The following NFIA variants were observed in gnomAD, a reference collection of about 807,000 sequenced individuals.
NFIA encodes the protein nuclear factor I A, also known as nuclear factor 1 A-type.
In NFIA, 8 loss-of-function variants were observed where a neutral mutation model predicts 62.8. That is an observed-to-expected ratio of 0.13 (90% confidence interval 0.07 to 0.23). The LOEUF (loss-of-function observed/expected upper bound fraction) is 0.23. NFIA is among the 10% of genes least tolerant of loss of function. The pLI is 1.00. For missense variants in NFIA, 410 were observed against 642.1 expected (o/e 0.64, Z 3.91); for synonymous variants, 235 against 238.1 (o/e 0.99, Z 0.12).
chr1:61,142,561 A>C (rs139554643), intron 2 of NFIA, among the ~76,000 whole-genome samples: 18 of 152,326 alleles, frequency 1.2e-4, no homozygotes, highest in Middle Eastern at 3.4e-3. Context: ...CAAGAGTCCA[A>C]ATGGGTACCT....
At chr1:61,213,185 T>C (rs1246993794) in intron 2 of NFIA, among the ~76,000 whole-genome samples, 1 of 152,226 alleles carries the variant, frequency 6.6e-6, no homozygotes, top group Non-Finnish European at 1.5e-5. Context: ...GTACAGGATA[T>C]GAAAATGCTG....
chr1:61,454,163 G>GGGT (rs1668198554), intron 10 of NFIA, among the ~76,000 whole-genome samples: 1 of 152,092 alleles, frequency 6.6e-6, no homozygotes, highest in Non-Finnish European at 1.5e-5. Flanking sequence ...TTCTGATACC[G>GGGT]TCAACTTAAA....
At chr1:61,294,662 T>C (rs991034084) in intron 3 of NFIA, among the ~76,000 whole-genome samples, 1 of 152,252 alleles carries the variant, frequency 6.6e-6, no homozygotes, top group African/African-American at 2.4e-5. Flanking sequence ...ATTGTTTTTC[T>C]TTTTTACTCA....
At chr1:61,149,226 A>C (rs765311558) in intron 2 of NFIA, among the ~76,000 whole-genome samples, 3 of 152,118 alleles carry the variant, frequency 2.0e-5, no homozygotes, top group Non-Finnish European at 4.4e-5. Flanking sequence ...TTAACTTAGG[A>C]AAGTTTGCTG....
At chr1:61,257,216 C>G (rs1057414259) in intron 2 of NFIA, among the ~76,000 whole-genome samples, 2 of 151,224 alleles carry the variant, frequency 1.3e-5, no homozygotes, top group African/African-American at 2.4e-5. Context: ...AGAAGTGTGT[C>G]TGTGCTGTCT....
At chr1:61,234,080 G>C (rs1302356022) in intron 2 of NFIA, among the ~76,000 whole-genome samples, 1 of 152,088 alleles carries the variant, frequency 6.6e-6, no homozygotes, top group African/African-American at 2.4e-5. Flanking sequence ...GTAGAAAGTG[G>C]CTCCTGGCTG....
intron 3 of NFIA, among the ~76,000 whole-genome samples, chr1:61,299,389 T>C (rs536825803): frequency 1.1e-4 from 16 of 152,340 alleles, no homozygotes; most frequent in African/African-American, 2.9e-4. Flanking sequence ...CTTTAACTTA[T>C]GTTTCCAAAA....
intron 2 of NFIA, among the ~76,000 whole-genome samples, chr1:61,153,089 A>T (rs1485584802): frequency 6.6e-6 from 1 of 152,202 alleles, no homozygotes; most frequent in African/African-American, 2.4e-5. Context: ...TCCTGAAAAC[A>T]AGTTTTCTGA....
intron 10 of NFIA, among the ~76,000 whole-genome samples, chr1:61,427,234 G>T (rs2100555141): frequency 6.6e-6 from 1 of 152,232 alleles, no homozygotes; most frequent in Non-Finnish European, 1.5e-5. Context: ...TCAAGGAGAA[G>T]AAATATTTTT....
intron 10 of NFIA, among the ~76,000 whole-genome samples, chr1:61,427,418 T>C (rs1341886622): frequency 1.3e-5 from 2 of 152,224 alleles, no homozygotes; most frequent in Non-Finnish European, 2.9e-5. Flanking sequence ...ATAATTAACA[T>C]AAGGAAAGTA....
intron 2 of NFIA, among the ~76,000 whole-genome samples, chr1:61,189,979 G>A (rs142993750): frequency 5.0e-4 from 76 of 152,154 alleles, no homozygotes; most frequent in African/African-American, 1.8e-3. Context: ...TCTTCTTACC[G>A]TGCTGTTTGA....
intron 10 of NFIA, among the ~76,000 whole-genome samples, chr1:61,450,972 T>C (rs1407967597): frequency 1.3e-5 from 2 of 152,204 alleles, no homozygotes; most frequent in East Asian, 1.9e-4. Context: ...TTAGAGCATT[T>C]GTTGCTAACG....
intron 2 of NFIA, among the ~76,000 whole-genome samples, chr1:61,201,629 A>C (rs1171739676): frequency 6.6e-6 from 1 of 152,100 alleles, no homozygotes; most frequent in African/African-American, 2.4e-5. Context: ...TATTAGGTTC[A>C]ATTACATAAG....
At chr1:61,348,790 C>T (rs1485395876) in intron 4 of NFIA, among the ~76,000 whole-genome samples, 1 of 152,200 alleles carries the variant, frequency 6.6e-6, no homozygotes, top group African/African-American at 2.4e-5. Flanking sequence ...TCACACTTTG[C>T]TCTGTGTTCC....
intron 2 of NFIA, among the ~76,000 whole-genome samples, chr1:61,113,544 A>C (rs905775087): frequency 1.0e-4 from 15 of 145,332 alleles, no homozygotes; most frequent in Middle Eastern, 3.5e-3. Context: ...TAATGAGCTG[A>C]GAGTGCACCA....
intron 7 of NFIA, among the ~76,000 whole-genome samples, chr1:61,399,655 TTTC>T (rs2100513900): frequency 6.6e-6 from 1 of 152,374 alleles, no homozygotes; most frequent in East Asian, 1.9e-4. Flanking sequence ...AAGAGATTAC[TTTC>T]TTCTTCTATC....
intron 4 of NFIA, among the ~76,000 whole-genome samples, chr1:61,333,912 A>G (rs1453739788): frequency 1.3e-5 from 2 of 152,306 alleles, no homozygotes; most frequent in South Asian, 2.1e-4. Context: ...AGGCAGGACA[A>G]TTGCTCGAAC....
At chr1:61,378,140 G>A (rs1664238978) in intron 6 of NFIA, among the ~76,000 whole-genome samples, 2 of 152,292 alleles carry the variant, frequency 1.3e-5, no homozygotes, top group South Asian at 2.1e-4. Flanking sequence ...GGGGAGAGGT[G>A]AAATTAATTA....
At chr1:61,158,635 G>C (rs892784776) in intron 2 of NFIA, among the ~76,000 whole-genome samples, 1 of 152,188 alleles carries the variant, frequency 6.6e-6, no homozygotes, top group African/African-American at 2.4e-5. Flanking sequence ...GATTTGAAAA[G>C]TTGAAGGAAA....
Sources: gnomAD v4.1 joint callset for allele counts (sites outside exome capture counted in the v4.1 genomes callset) on GRCh38, gnomAD v4.1.1 for gene constraint, MANE v1.5 for transcripts, NCBI Gene and HGNC (gene_info 2026-07-23, HGNC 2026-07-21) for gene names.